Variants in ANKS1B observed in about 807,000 individuals in gnomAD.
The protein encoded by ANKS1B is ankyrin repeat and sterile alpha motif domain-containing protein 1B.
In ANKS1B, 36 loss-of-function variants were observed where a neutral mutation model predicts 148.3. The ratio of observed to expected loss-of-function variants is 0.24; its 90% CI spans 0.19 to 0.32. The LOEUF (loss-of-function observed/expected upper bound fraction) is 0.32, where lower values mean the gene tolerates loss of function less well. Among genes scored for constraint, ANKS1B ranks in the 10% least tolerant of loss-of-function variants. ANKS1B has a pLI of 1.00. For synonymous variants in ANKS1B, 542 were observed against 560.8 expected, an observed-to-expected ratio of 0.97 and a Z score of 0.47; for missense variants, 1,157 against 1,542.6, an observed-to-expected ratio of 0.75 and a Z score of 4.19.
chr12:99,045,467 C>T (rs2099961727), intron 17 of ANKS1B, among the ~76,000 whole-genome samples: 2 of 152,136 alleles, frequency 1.3e-5, no homozygotes, highest in Admixed American at 1.3e-4. Context: ...TCCCTCTAAC[C>T]ACTGGTTGCA....
intron 9 of ANKS1B, among the ~76,000 whole-genome samples, chr12:99,504,854 C>G (rs945191313): frequency 4.6e-5 from 7 of 151,998 alleles, no homozygotes; most frequent in Admixed American, 4.6e-4. Flanking sequence ...GAATTTATTA[C>G]TGAATTAGTA....
intron 16 of ANKS1B, among the ~76,000 whole-genome samples, chr12:99,076,292 G>A (rs770421081): frequency 3.3e-4 from 50 of 152,142 alleles, no homozygotes; most frequent in Admixed American, 7.9e-4. Flanking sequence ...AAATGAAGGC[G>A]CCTCAGGAGG....
intron 9 of ANKS1B, chr12:99,648,211 CA>C: frequency 6.2e-7 from 1 of 1,614,098 alleles, no homozygotes; most frequent in Non-Finnish European, 8.5e-7. Flanking sequence ...TTACACGGCC[CA>C]AAGCAGCCCC....
intron 20 of ANKS1B, among the ~76,000 whole-genome samples, chr12:98,804,152 G>A (rs1001526202): frequency 3.3e-5 from 5 of 152,162 alleles, no homozygotes; most frequent in African/African-American, 1.2e-4. Flanking sequence ...GTGCTAAGGT[G>A]GGAGATAATT....
intron 1 of ANKS1B, among the ~76,000 whole-genome samples, chr12:99,983,081 T>C (rs374389293): frequency 2.0e-5 from 3 of 152,266 alleles, no homozygotes; most frequent in East Asian, 3.9e-4. Context: ...TTCTAAAATT[T>C]TTACAACTAT....
chr12:99,192,812 C>G (rs768514935), intron 14 of ANKS1B, among the ~76,000 whole-genome samples: 3 of 152,002 alleles, frequency 2.0e-5, no homozygotes, highest in Non-Finnish European at 4.4e-5. Context: ...TAGCTCTATT[C>G]TTAAAACCAT....
intron 14 of ANKS1B, among the ~76,000 whole-genome samples, chr12:99,212,808 A>G (rs1225510170): frequency 6.6e-6 from 1 of 152,232 alleles, no homozygotes; most frequent in Non-Finnish European, 1.5e-5. Flanking sequence ...GGCAGATGTC[A>G]TTGAATAATA....
At position 98,745,656 on chromosome 12, in the gene ANKS1B, G is replaced by C. The variant is rs2097864325; in HGVS notation, c.*83C>G. ...TCAGAGCAGTCTTCCTCCTGGGCTG[G>C]GTGGACGCGGAGGCGCGAAGGAAAG... On this transcript the variant is annotated 3_prime_UTR_variant, in exon 27 of 27. Coordinates refer to ENST00000683438, the MANE Select transcript of ANKS1B (RefSeq NM_001352186.2). The C allele has an allele frequency of 6.4e-7, 1 of 1,562,864 alleles. No homozygotes were observed. Among genetic ancestry groups the C allele is most frequent in the African/African-American group, 1.4e-5 (1 of 73,440 alleles).
chr12:99,869,789 T>C (rs1209347223), intron 1 of ANKS1B, among the ~76,000 whole-genome samples: 2 of 151,966 alleles, frequency 1.3e-5, no homozygotes, highest in Admixed American at 6.6e-5. Flanking sequence ...AACTGCTATA[T>C]GCCTCACATC....
At chr12:99,434,024 T>G (rs1030710917) in intron 11 of ANKS1B, among the ~76,000 whole-genome samples, 3 of 152,126 alleles carry the variant, frequency 2.0e-5, no homozygotes, top group African/African-American at 7.2e-5. Flanking sequence ...ATAAATAAAT[T>G]AATTAATGAT....
intron 9 of ANKS1B, among the ~76,000 whole-genome samples, chr12:99,525,494 T>C (rs2096918347): frequency 6.6e-6 from 1 of 152,142 alleles, no homozygotes; most frequent in South Asian, 2.1e-4. Context: ...TACAAATGGT[T>C]CTGGTACAAT....
chr12:99,063,771 T>C (rs996400770), intron 16 of ANKS1B, among the ~76,000 whole-genome samples: 12 of 152,212 alleles, frequency 7.9e-5, no homozygotes, highest in Admixed American at 2.0e-4. Context: ...GTATCCCATA[T>C]AATTATATTC....
chr12:98,852,588 G>A (rs138885032), intron 17 of ANKS1B, among the ~76,000 whole-genome samples: 4 of 152,212 alleles, frequency 2.6e-5, no homozygotes, highest in African/African-American at 9.6e-5. Context: ...CACTGAGCTG[G>A]GTGTTTTCCT....
At chr12:99,121,360 T>TGTGTGTGTGTGTG (rs1600446025) in intron 15 of ANKS1B, among the ~76,000 whole-genome samples, 2 of 150,928 alleles carry the variant, frequency 1.3e-5, no homozygotes, top group Non-Finnish European at 3.0e-5. Flanking sequence ...TGTGTGTGTA[T>TGTGTGTGTGTGTG]TTTCCCCCCA....
chr12:99,323,331 T>C (rs2085675172), intron 12 of ANKS1B, among the ~76,000 whole-genome samples: 1 of 152,230 alleles, frequency 6.6e-6, no homozygotes, highest in African/African-American at 2.4e-5. Context: ...AGTAATTAAT[T>C]TCTGCATGGC....
intron 9 of ANKS1B, among the ~76,000 whole-genome samples, chr12:99,624,077 A>G (rs1334323571): frequency 6.6e-6 from 1 of 152,130 alleles, no homozygotes; most frequent in African/African-American, 2.4e-5. Context: ...AAGGGAACAG[A>G]ATACAGAACC....
intron 11 of ANKS1B, among the ~76,000 whole-genome samples, chr12:99,438,423 T>C (rs1307207632): frequency 6.6e-6 from 1 of 151,898 alleles, no homozygotes; most frequent in Non-Finnish European, 1.5e-5. Flanking sequence ...CCAATTTGTA[T>C]ATCATGCTTC....
chr12:98,775,273 T>C (rs1341915229), intron 24 of ANKS1B, among the ~76,000 whole-genome samples: 7 of 152,206 alleles, frequency 4.6e-5, no homozygotes, highest in Admixed American at 3.9e-4. Flanking sequence ...TTTATTGCAC[T>C]GAACTCTCTG....
Position 99,590,258 on chromosome 12 carries a change from CCACACACA to C in ANKS1B, c.1272+64801_1272+64808del, listed in dbSNP as rs374132496. ...AACATTCACTCACACCCACACCCAC[CCACACACA>C]CACACACACACACACACACACACAC... On this transcript the variant is annotated intron_variant, in intron 9 of 26. Coordinates refer to ENST00000683438, the MANE Select transcript of ANKS1B (RefSeq NM_001352186.2). 3.9e-3 allele frequency among the ~76,000 whole-genome samples: 520 copies of C among 132,866 alleles called. 6 individuals carry two copies. The highest frequency in any genetic ancestry group is 0.013 in the African/African-American group (487 of 37,474). The allele number at this position is 132,866 out of a possible 152,430, so 87.2% of individuals were successfully genotyped here.
Sources: allele counts gnomAD v4.1 joint callset (sites outside exome capture counted in the v4.1 genomes callset), GRCh38; gene constraint gnomAD v4.1.1; transcripts MANE v1.5; gene names NCBI Gene and HGNC (gene_info 2026-07-23, HGNC 2026-07-21).